Variants in NBPF19 observed in about 807,000 individuals in gnomAD.
NBPF19 encodes the protein NBPF family member NBPF19.
In NBPF19, 30 loss-of-function variants were observed where a neutral mutation model predicts 45.9. The ratio of observed to expected loss-of-function variants is 0.65; its 90% CI spans 0.49 to 0.89. NBPF19 has a LOEUF of 0.89. Among genes scored for constraint, NBPF19 ranks in the 40% least tolerant of loss-of-function variants. The pLI is 0.00. For synonymous variants in NBPF19, 183 were observed against 181.2 expected (o/e 1.01, Z -0.08); for missense variants, 495 against 471.8 (o/e 1.05, Z -0.46).
intron 13 of NBPF19, 145 bp from the exon 14 acceptor site, chr1:149,490,994 A>C: frequency 1.9e-6 from 1 of 535,290 alleles, no homozygotes; most frequent in South Asian, 2.1e-5. Flanking sequence ...CTGTCCCAAC[A>C]TGAAGGCAAT....
chr1:149,493,775 A>T, intron 17 of NBPF19, 64 bp downstream of exon 17: 1 of 166,824 alleles, frequency 6.0e-6, no homozygotes, highest in Non-Finnish European at 1.0e-5. Context: ...AGGTCCAGGG[A>T]AAACAAGAGT....
Position 149,478,912 on chromosome 1 carries a change from G to A in NBPF19, c.311G>A (p.Arg104Gln), listed in dbSNP as rs1374871653. The change falls in exon 4 of 94, where the codon CGA (arginine) becomes CAA (glutamine). Residue 104 changes from arginine to glutamine, a missense_variant. Arg to Gln is a conservative substitution (Grantham distance 43). Transcript: ENST00000651566. ...QYKVLFHSQE[R>Q]ELTQLREKLR... Reference sequence around the variant, plus strand: ...AAAGTCCTGTTTCACTCTCAGGAACGAGAGCTGACCCAGTTAAGGGAGAAG... The same window carrying A: ...AAAGTCCTGTTTCACTCTCAGGAACAAGAGCTGACCCAGTTAAGGGAGAAG... 17 of 1,606,280 alleles carry A rather than the reference G, an allele frequency of 1.1e-5. No homozygotes were observed. The highest frequency in any genetic ancestry group is 2.2e-4 in the Middle Eastern group (1 of 4,474).
In NBPF19 at chr1:149,487,325, T is replaced by C; in HGVS notation, c.989-7T>C. On this transcript the variant is annotated splice_region_variant and splice_polypyrimidine_tract_variant and intron_variant, in intron 8 of 93. Transcript: ENST00000651566. ...ATGTAAGAGGGCCCATCTGAATTTATTTGCAGGACATCGCTGGGATCAAGT... is the reference window on the plus strand; with the variant it reads ...ATGTAAGAGGGCCCATCTGAATTTACTTGCAGGACATCGCTGGGATCAAGT... 3.2e-6 allele frequency: 5 copies of C among 1,563,660 alleles called. No individual in the cohort carries two copies. The highest frequency in any genetic ancestry group is 4.4e-6 in the Non-Finnish European group (5 of 1,147,160).
rs1268519447 is a variant in NBPF19 at position 149,487,931 on chromosome 1, T to C, written c.1041-82T>C. On this transcript the variant is annotated intron_variant, in intron 9 of 93. Transcript: ENST00000651566. ...TCCTTTTTCTTTTCAAACTCTTCCT[T>C]ATGTTAGCCATGAAATCTAGCTGGG... 13 of 728,952 alleles carry C rather than the reference T, an allele frequency of 1.8e-5. 1 individual carries two copies. Among genetic ancestry groups the C allele is most frequent in the African/African-American group, 3.5e-5 (2 of 56,462 alleles). 45.2% of individuals were successfully genotyped at this position (728,952 alleles called of 1,614,324 possible).
intron 10 of NBPF19, 61 bp from the exon 11 acceptor site, chr1:149,488,844 G>T: frequency 1.4e-5 from 1 of 71,058 alleles, no homozygotes; most frequent in African/African-American, 6.6e-4. Flanking sequence ...TTAGACAGTG[G>T]ATTGTTATGT....
At chr1:149,487,079 G>A (rs1459813099) in intron 8 of NBPF19, among the ~76,000 whole-genome samples, 2 of 150,998 alleles carry the variant, frequency 1.3e-5, no homozygotes, top group Non-Finnish European at 3.0e-5. Context: ...TTGCTCATTT[G>A]TGTACATAAA....
Position 149,477,908 on chromosome 1 carries a change from G to A in NBPF19, c.176-37G>A, listed in dbSNP as rs1257217449. ...GGCAGTGACCACAGCAGCATGTCCA[G>A]CCTTCCACTGAGGCAGGCGTGTCTG... On this transcript the variant is annotated intron_variant, in intron 2 of 93. Transcript: ENST00000651566. 510 of 1,069,276 alleles carry A rather than the reference G, an allele frequency of 4.8e-4. 15 individuals are homozygous for A. Among genetic ancestry groups the A allele is most frequent in the Middle Eastern group, 2.0e-3 (7 of 3,426 alleles). 66.2% of individuals were successfully genotyped at this position (1,069,276 alleles called of 1,614,324 possible). A position where few individuals can be genotyped will look rare whatever the true frequency, so the allele number is the denominator to read the frequency against.
At position 149,483,659 on chromosome 1, in the gene NBPF19, T is replaced by C. The variant is rs1434529766; in HGVS notation, c.824+1433T>C. ...TTTACAGTTTGGCATGTTTTTGCAGTGGCTGGTACCGGTTGTTCCTTTCCA... is the reference window on the plus strand; with the variant it reads ...TTTACAGTTTGGCATGTTTTTGCAGCGGCTGGTACCGGTTGTTCCTTTCCA... On this transcript the variant is annotated intron_variant, in intron 7 of 93. Transcript: ENST00000651566. Among the ~76,000 whole-genome samples, 9 of 145,834 alleles carry C rather than the reference T, an allele frequency of 6.2e-5. 1 individual carries two copies. Among genetic ancestry groups the C allele is most frequent in the African/African-American group, 2.3e-4 (9 of 39,460 alleles).
At chr1:149,520,466 ATTC>A in intron 50 of NBPF19, 106 bp from the exon 51 acceptor site, 1 of 3,826 alleles carries the variant, frequency 2.6e-4, no homozygotes, top group Non-Finnish European at 6.3e-4. Context: ...ACAGTGTCCT[ATTC>A]TTATGCTGAG....
At chr1:149,528,943 C>CTG (rs1336981083) in intron 61 of NBPF19, among the ~76,000 whole-genome samples, 11 of 125,432 alleles carry the variant, frequency 8.8e-5, no homozygotes, top group Non-Finnish European at 1.7e-4. Flanking sequence ...CGTTCTCTCT[C>CTG]TCTGTGTGTG....
intron 9 of NBPF19, among the ~76,000 whole-genome samples, 200 bp from the exon 10 acceptor site, chr1:149,487,813 G>GTC (rs1340272567): frequency 6.7e-6 from 1 of 148,758 alleles, no homozygotes; most frequent in Non-Finnish European, 1.5e-5. Flanking sequence ...GTGTGTGTGT[G>GTC]TGTGTGTGTG....
intron 7 of NBPF19, among the ~76,000 whole-genome samples, chr1:149,484,521 C>T (rs1237521575): frequency 9.0e-5 from 13 of 144,746 alleles, no homozygotes; most frequent in African/African-American, 3.1e-4. Context: ...TATATACATA[C>T]ACACAAAAAA....
At chr1:149,490,923 T>A (rs1463904917) in intron 13 of NBPF19, among the ~76,000 whole-genome samples, 1 of 130,834 alleles carries the variant, frequency 7.6e-6, no homozygotes, top group Admixed American at 7.9e-5. Context: ...TGTGTGTGCG[T>A]GTGTGTGTGT....
At chr1:149,477,780 C>G (rs1475737578) in intron 2 of NBPF19, among the ~76,000 whole-genome samples, 165 bp from the exon 3 acceptor site, 1 of 151,318 alleles carries the variant, frequency 6.6e-6, no homozygotes, top group African/African-American at 2.4e-5. Context: ...GATCAGATGC[C>G]AGAAAGTCAG....
chr1:149,487,894 C>G (rs1282558235), intron 9 of NBPF19, 119 bp from the exon 10 acceptor site: 1 of 685,858 alleles, frequency 1.5e-6, no homozygotes, highest in Non-Finnish European at 2.7e-6. Context: ...TGTTACCTCA[C>G]TAATGGATCT....
chr1:149,481,473 AT>A (rs1190866284), intron 6 of NBPF19, among the ~76,000 whole-genome samples: 1,702 of 66,626 alleles, frequency 0.026, 1 homozygote, highest in East Asian at 0.12. Context: ...AGCATCGTGG[AT>A]TTTTTTTTTT....
intron 10 of NBPF19, among the ~76,000 whole-genome samples, chr1:149,488,564 T>C: frequency 1.4e-5 from 1 of 72,348 alleles, no homozygotes; most frequent in East Asian, 6.1e-4. Context: ...GAGTATTTGA[T>C]GAGACAGGGC....
Position 149,490,934 on chromosome 1 carries a change from G to A in NBPF19, c.1491-205G>A, listed in dbSNP as rs1434131203. Among the ~76,000 whole-genome samples, 6 of 136,330 alleles carry A rather than the reference G, an allele frequency of 4.4e-5. 2 individuals carry two copies. Among genetic ancestry groups the A allele is most frequent in the Non-Finnish European group, 6.2e-5 (4 of 64,706 alleles). The allele number at this position is 136,330 out of a possible 152,430, so 89.4% of individuals were successfully genotyped here. On this transcript the variant is annotated intron_variant, in intron 13 of 93. Coordinates refer to ENST00000651566, the MANE Select transcript of NBPF19 (RefSeq NM_001351365.2). ...TGTGTGTGTGTGCGTGTGTGTGTGT[G>A]TGTGTGTGTGTCCATCTGTCTCTTT...
intron 3 of NBPF19, 103 bp from the exon 4 acceptor site, chr1:149,478,777 G>C: frequency 4.7e-6 from 6 of 1,276,082 alleles, no homozygotes; most frequent in South Asian, 3.6e-5. Context: ...CCTTCTGCTT[G>C]GAGGTCTCCT....
Sources: gnomAD v4.1 joint callset for allele counts (sites outside exome capture counted in the v4.1 genomes callset) on GRCh38, gnomAD v4.1.1 for gene constraint, MANE v1.5 for transcripts, NCBI Gene and HGNC (gene_info 2026-07-23, HGNC 2026-07-21) for gene names.